Variants in MEIKIN observed in about 807,000 individuals in gnomAD.
MEIKIN encodes the protein meiosis-specific kinetochore protein.
In MEIKIN at chr5:131,933,645, T is replaced by C. The variant is rs1751724339; in HGVS notation, c.350-4A>G. 2.5e-6 allele frequency: 1 copy of C among 398,412 alleles called. No homozygotes were observed. Among genetic ancestry groups the C allele is most frequent in the Admixed American group, 4.4e-5 (1 of 22,692 alleles). The allele number at this position is 398,412 out of a possible 1,614,324, so 24.7% of individuals were successfully genotyped here. A position where few individuals can be genotyped will look rare whatever the true frequency, so the allele number is the denominator to read the frequency against. ...ATACCATGGTGCAAACTTAATCCTG[T>C]AGAATAAAGGAAAAAAAAATTGATA... On this transcript the variant is annotated splice_region_variant and splice_polypyrimidine_tract_variant and intron_variant, in intron 4 of 12. Transcript: ENST00000442687.
At chr5:131,899,030 C>T (rs1363730118) in intron 8 of MEIKIN, among the ~76,000 whole-genome samples, 1 of 152,012 alleles carries the variant, frequency 6.6e-6, no homozygotes, top group East Asian at 2.0e-4. Flanking sequence ...GAGCTGCAGA[C>T]CGGGGCTGTT....
intron 4 of MEIKIN, among the ~76,000 whole-genome samples, chr5:131,936,494 T>C (rs533815835): frequency 1.3e-5 from 2 of 152,392 alleles, no homozygotes; most frequent in East Asian, 3.9e-4. Context: ...ATCACCTTTT[T>C]GCTACAATTT....
chr5:131,909,729 A>G (rs2149642707), intron 8 of MEIKIN, among the ~76,000 whole-genome samples: 1 of 152,290 alleles, frequency 6.6e-6, no homozygotes, highest in South Asian at 2.1e-4. Flanking sequence ...GAAAAACAAA[A>G]ATCTGATAAT....
chr5:131,846,177 C>T (rs77904370), intron 11 of MEIKIN, among the ~76,000 whole-genome samples: 1 of 152,136 alleles, frequency 6.6e-6, no homozygotes, highest in Non-Finnish European at 1.5e-5. Context: ...TCCAGTAAAA[C>T]TGTCCTTCAA....
At chr5:131,885,420 A>G (rs866080136) in intron 8 of MEIKIN, among the ~76,000 whole-genome samples, 2 of 98,568 alleles carry the variant, frequency 2.0e-5, no homozygotes, top group Non-Finnish European at 2.0e-5. Flanking sequence ...AGAGAGAGAG[A>G]GAGATTGAGA....
chr5:131,887,253 C>G (rs1750815279), intron 8 of MEIKIN, among the ~76,000 whole-genome samples: 1 of 151,938 alleles, frequency 6.6e-6, no homozygotes, highest in Admixed American at 6.6e-5. Flanking sequence ...TAGGTTGGTT[C>G]CAAGTCTTTG....
At chr5:131,925,795 A>C (rs1472680731) in intron 5 of MEIKIN, among the ~76,000 whole-genome samples, 1 of 152,048 alleles carries the variant, frequency 6.6e-6, no homozygotes, top group Admixed American at 6.6e-5. Context: ...CAGCCTCCTG[A>C]GTAGCTGGGA....
chr5:131,816,675 A>T (rs1461637576), intron 12 of MEIKIN, among the ~76,000 whole-genome samples: 1 of 152,146 alleles, frequency 6.6e-6, no homozygotes, highest in African/African-American at 2.4e-5. Context: ...CATATATATA[A>T]AATTGGCTTT....
In MEIKIN at chr5:131,885,359, G is replaced by T. The variant is rs1229854127; in HGVS notation, c.704-6311C>A. 1.7e-4 allele frequency among the ~76,000 whole-genome samples: 3 copies of T among 17,330 alleles called. No homozygotes were observed. The East Asian group carries it at 0.01, about 60-fold the overall frequency. 11.4% of individuals were successfully genotyped at this position (17,330 alleles called of 152,430 possible). A position where few individuals can be genotyped will look rare whatever the true frequency, so the allele number is the denominator to read the frequency against. ...GAACTGAAAGAGAGAGAGAGAGAGA[G>T]AGAGAGAGAGAGAGAGAGAGAGAGA... On this transcript the variant is annotated intron_variant, in intron 8 of 12. Transcript: ENST00000442687.
At chr5:131,864,738 C>T (rs1750354506) in intron 9 of MEIKIN, among the ~76,000 whole-genome samples, 2 of 152,182 alleles carry the variant, frequency 1.3e-5, no homozygotes, top group Admixed American at 1.3e-4. Context: ...CACTGAGCCT[C>T]CTGTATCTGG....
chr5:131,827,881 C>A (rs1236356819), intron 11 of MEIKIN, among the ~76,000 whole-genome samples: 2 of 151,946 alleles, frequency 1.3e-5, no homozygotes, highest in Non-Finnish European at 2.9e-5. Flanking sequence ...TTGCAACTAT[C>A]AATAAATTCC....
intron 3 of MEIKIN, among the ~76,000 whole-genome samples, chr5:131,943,098 A>G (rs1239686549): frequency 6.6e-6 from 1 of 152,080 alleles, no homozygotes. Flanking sequence ...GCAAGTAAAC[A>G]AATATGGAAA....
chr5:131,930,138 CT>C (rs1354824827), intron 5 of MEIKIN, among the ~76,000 whole-genome samples: 1 of 152,142 alleles, frequency 6.6e-6, no homozygotes, highest in Non-Finnish European at 1.5e-5. Flanking sequence ...CCCATTCCTC[CT>C]GTGTACCAGC....
intron 8 of MEIKIN, among the ~76,000 whole-genome samples, chr5:131,894,748 T>C (rs1751004255): frequency 6.6e-6 from 1 of 152,220 alleles, no homozygotes; most frequent in Admixed American, 6.5e-5. Context: ...CACATTGATT[T>C]TGTATCCTGA....
intron 8 of MEIKIN, among the ~76,000 whole-genome samples, chr5:131,895,641 A>C (rs1751026747): frequency 6.6e-6 from 1 of 152,088 alleles, no homozygotes. Context: ...CCAGGAATTT[A>C]TCCATTTCTT....
intron 5 of MEIKIN, among the ~76,000 whole-genome samples, chr5:131,928,014 C>T (rs759477291): frequency 3.3e-5 from 5 of 151,736 alleles, no homozygotes; most frequent in South Asian, 2.1e-4. Context: ...CACGGTGGCG[C>T]GCGCCTGTAG....
At chr5:131,903,972 A>C (rs887020828) in intron 8 of MEIKIN, among the ~76,000 whole-genome samples, 1 of 152,164 alleles carries the variant, frequency 6.6e-6, no homozygotes, top group African/African-American at 2.4e-5. Flanking sequence ...AAAAAAAACA[A>C]AAAAACAAAA....
rs564597762 is a variant in MEIKIN at position 131,865,626 on chromosome 5, T to C, written c.775-10792A>G. Among the ~76,000 whole-genome samples, 158 of 152,340 alleles carry C rather than the reference T, an allele frequency of 1.0e-3. 1 individual carries two copies. Among genetic ancestry groups the C allele is most frequent in the African/African-American group, 3.6e-3 (151 of 41,582 alleles). On this transcript the variant is annotated intron_variant, in intron 9 of 12. Transcript: ENST00000442687. Reference sequence around the variant, plus strand: ...TTTCCTGTGTCCTTACATTGATATCTGTGCATCTGGTGTTACAGCTGCTTT... The same window carrying C: ...TTTCCTGTGTCCTTACATTGATATCCGTGCATCTGGTGTTACAGCTGCTTT...
intron 8 of MEIKIN, among the ~76,000 whole-genome samples, chr5:131,889,044 G>T (rs779478024): frequency 5.8e-4 from 89 of 152,138 alleles, no homozygotes; most frequent in Non-Finnish European, 4.1e-4. Context: ...TATTTCTGAG[G>T]GCTCTGTTCT....
Sources: allele counts gnomAD v4.1 joint callset (sites outside exome capture counted in the v4.1 genomes callset), GRCh38; gene constraint gnomAD v4.1.1; transcripts MANE v1.5; gene names NCBI Gene and HGNC (gene_info 2026-07-23, HGNC 2026-07-21).